The following GRID2 variants were observed in gnomAD, a reference collection of about 807,000 sequenced individuals.
GRID2 encodes glutamate receptor ionotropic, delta-2.
GRID2 carries 33 observed loss-of-function variants against 114.8 expected under a neutral mutation model. The observed-to-expected ratio is 0.29, with a 90% CI of 0.22 to 0.38. The LOEUF (loss-of-function observed/expected upper bound fraction) is 0.38, where lower values mean the gene tolerates loss of function less well. Ranked by LOEUF, GRID2 falls within the 10% of genes least tolerant of loss-of-function variation. The pLI is 1.00. For synonymous variants in GRID2, 505 were observed against 449.9 expected, an observed-to-expected ratio of 1.12 and a Z score of -1.55; for missense variants, 1,184 against 1,257.7, an observed-to-expected ratio of 0.94 and a Z score of 0.89.
At chr4:93,186,097 CA>C (rs1241992964) in intron 4 of GRID2, among the ~76,000 whole-genome samples, 1 of 152,160 alleles carries the variant, frequency 6.6e-6, no homozygotes, top group Non-Finnish European at 1.5e-5. Flanking sequence ...TTTATGGCTG[CA>C]TAGTATTCCA....
chr4:92,658,821 A>C (rs1436665891), intron 2 of GRID2, among the ~76,000 whole-genome samples: 6 of 119,780 alleles, frequency 5.0e-5, no homozygotes, highest in Non-Finnish European at 1.1e-4. Context: ...ATATATATAC[A>C]CACACACAAT....
chr4:93,660,321 G>A lies in GRID2; in HGVS notation c.2360+33886G>A, dbSNP rs1222808651. Among the ~76,000 whole-genome samples, 4 of 152,190 alleles carry A rather than the reference G, an allele frequency of 2.6e-5. No homozygotes were observed. The East Asian group carries it at 7.7e-4, about 29-fold the overall frequency. On this transcript the variant is annotated intron_variant, in intron 14 of 15. Coordinates refer to ENST00000282020, the MANE Select transcript of GRID2 (RefSeq NM_001510.4). Reference sequence around the variant, plus strand: ...GAAATGATATTATTTTGATATGCCAGCAGATACATGTAGTCACCCAAAGAA... The same window carrying A: ...GAAATGATATTATTTTGATATGCCAACAGATACATGTAGTCACCCAAAGAA...
chr4:93,342,884 T>C (rs1759808304), intron 8 of GRID2, among the ~76,000 whole-genome samples: 1 of 152,174 alleles, frequency 6.6e-6, no homozygotes, highest in South Asian at 2.1e-4. Flanking sequence ...TTAGAATAAT[T>C]TATGCATCAA....
chr4:93,513,176 T>C (rs1307649029), intron 12 of GRID2, among the ~76,000 whole-genome samples: 2 of 152,208 alleles, frequency 1.3e-5, no homozygotes, highest in East Asian at 1.9e-4. Flanking sequence ...AGGTTCTAGA[T>C]GATGCTGTGT....
At chr4:92,431,729 T>G (rs1732464230) in intron 1 of GRID2, among the ~76,000 whole-genome samples, 1 of 152,192 alleles carries the variant, frequency 6.6e-6, no homozygotes, top group African/African-American at 2.4e-5. Context: ...CCCAGATTGG[T>G]TTCTGATGCC....
Position 92,990,787 on chromosome 4 carries a change from G to A in GRID2, c.245-94208G>A, listed in dbSNP as rs564562189. On this transcript the variant is annotated intron_variant, in intron 2 of 15. Transcript: ENST00000282020. ...ACAAAAGATGACAGCCCTAGAAACGGATTTGATGGTGACTACTGAAAATAT... is the reference window on the plus strand; with the variant it reads ...ACAAAAGATGACAGCCCTAGAAACGAATTTGATGGTGACTACTGAAAATAT... 1.3e-5 allele frequency among the ~76,000 whole-genome samples: 2 copies of A among 152,068 alleles called. 1 individual carries two copies. The highest frequency in any genetic ancestry group is 1.3e-4 in the Admixed American group (2 of 15,258).
intron 12 of GRID2, among the ~76,000 whole-genome samples, chr4:93,497,056 T>C (rs868819311): frequency 6.6e-6 from 1 of 151,768 alleles, no homozygotes; most frequent in East Asian, 1.9e-4. Context: ...GTATCATTTT[T>C]TTTTTTTTAG....
At chr4:93,341,347 CAG>C (rs1759635982) in intron 8 of GRID2, among the ~76,000 whole-genome samples, 1 of 150,588 alleles carries the variant, frequency 6.6e-6, no homozygotes, top group Non-Finnish European at 1.5e-5. Context: ...TTCTTTGAGA[CAG>C]AGTCTCACTC....
intron 2 of GRID2, among the ~76,000 whole-genome samples, chr4:92,848,694 C>T (rs933775165): frequency 1.3e-5 from 2 of 151,794 alleles, no homozygotes; most frequent in Non-Finnish European, 2.9e-5. Flanking sequence ...AAGCGGGCTA[C>T]GGGGATCTGG....
At chr4:93,204,929 C>A (rs1043273921) in intron 4 of GRID2, among the ~76,000 whole-genome samples, 1 of 152,082 alleles carries the variant, frequency 6.6e-6, no homozygotes, top group Non-Finnish European at 1.5e-5. Context: ...TATTTTACAT[C>A]CATGCTGCCT....
intron 2 of GRID2, among the ~76,000 whole-genome samples, chr4:93,037,668 T>A (rs1725052905): frequency 1.3e-5 from 2 of 152,184 alleles, no homozygotes; most frequent in Non-Finnish European, 1.5e-5. Flanking sequence ...GGCTAGCCAG[T>A]TTTACCAACA....
intron 1 of GRID2, among the ~76,000 whole-genome samples, chr4:92,349,294 G>T (rs931204035): frequency 1.3e-5 from 2 of 151,878 alleles, no homozygotes; most frequent in Admixed American, 6.6e-5. Flanking sequence ...CTAAAAGTTT[G>T]TCTAACTCTA....
chr4:93,307,156 A>G (rs1157582989), intron 8 of GRID2, among the ~76,000 whole-genome samples: 3 of 151,614 alleles, frequency 2.0e-5, no homozygotes, highest in Non-Finnish European at 4.4e-5. Context: ...GAGCCGAGAT[A>G]GCGCCACTAC....
Position 93,180,614 on chromosome 4 carries a change from T to A in GRID2, c.736-26790T>A, listed in dbSNP as rs555144972. Among the ~76,000 whole-genome samples the A allele has an allele frequency of 4.2e-3, 636 of 152,308 alleles. 8 individuals carry two copies. Among genetic ancestry groups the A allele is most frequent in the African/African-American group, 0.015 (613 of 41,572 alleles). On this transcript the variant is annotated intron_variant, in intron 4 of 15. Coordinates refer to ENST00000282020, the MANE Select transcript of GRID2 (RefSeq NM_001510.4). The stretch of plus-strand genomic sequence containing the variant: ...AAGAACTTCTGTCAAAATTGGAGTC[T>A]ATCCTCTCAACCTTGCTGCTGCTTT...
intron 10 of GRID2, among the ~76,000 whole-genome samples, chr4:93,423,674 A>G (rs1393790858): frequency 6.6e-6 from 1 of 152,102 alleles, no homozygotes; most frequent in Admixed American, 6.5e-5. Context: ...GTATGTACAT[A>G]TGTATATATT....
At chr4:93,209,510 A>T (rs1193065633) in intron 5 of GRID2, among the ~76,000 whole-genome samples, 1 of 151,990 alleles carries the variant, frequency 6.6e-6, no homozygotes, top group Admixed American at 6.6e-5. Flanking sequence ...GTGGGTATTT[A>T]TGTTGATTCC....
intron 14 of GRID2, among the ~76,000 whole-genome samples, chr4:93,727,556 G>A (rs1489152138): frequency 6.6e-6 from 1 of 152,188 alleles, no homozygotes; most frequent in Non-Finnish European, 1.5e-5. Flanking sequence ...GTTTCAGAAG[G>A]AGTGGTACCA....
At chr4:93,234,260 T>C (rs1746495554) in intron 7 of GRID2, among the ~76,000 whole-genome samples, 1 of 152,116 alleles carries the variant, frequency 6.6e-6, no homozygotes, top group South Asian at 2.1e-4. Context: ...GATCATAAAG[T>C]AGGTAAACTG....
chr4:92,753,470 T>C (rs892259953), intron 2 of GRID2, among the ~76,000 whole-genome samples: 3 of 152,196 alleles, frequency 2.0e-5, no homozygotes, highest in African/African-American at 7.2e-5. Context: ...GTGATCTTAC[T>C]AAAAGCATCC....
Sources: gnomAD v4.1 joint callset for allele counts (sites outside exome capture counted in the v4.1 genomes callset) on GRCh38, gnomAD v4.1.1 for gene constraint, MANE v1.5 for transcripts, NCBI Gene and HGNC (gene_info 2026-07-23, HGNC 2026-07-21) for gene names.